The following ELP3 variants were observed in gnomAD, a reference collection of about 807,000 sequenced individuals.
ELP3 encodes elongator acetyltransferase complex subunit 3.
Under a neutral mutation model 74.9 loss-of-function variants are expected in ELP3, and 56 were observed. The ratio of observed to expected loss-of-function variants is 0.75; its 90% confidence interval spans 0.60 to 0.93. The LOEUF is 0.93. ELP3 is among the 40% of genes least tolerant of loss of function. The probability of loss-of-function intolerance (pLI) is 0.00; values close to 1 mark genes in which losing one functional copy is unlikely to be tolerated. For synonymous variants in ELP3, 222 were observed against 239.8 expected (o/e 0.93, Z 0.68); for missense variants, 573 against 686.5 (o/e 0.83, Z 1.85).
chr8:28,183,400 CAA>C, intron 14 of ELP3: 1 of 362,348 alleles, frequency 2.8e-6, no homozygotes, highest in Non-Finnish European at 5.4e-6. Context: ...GAGGATAAAA[CAA>C]AGCCAGTGTT....
At chr8:28,148,842 T>C (rs534939200) in intron 10 of ELP3, among the ~76,000 whole-genome samples, 1 of 152,318 alleles carries the variant, frequency 6.6e-6, no homozygotes, top group East Asian at 1.9e-4. Context: ...GAGATGTTGG[T>C]CTGTAGTTGC....
intron 7 of ELP3, among the ~76,000 whole-genome samples, chr8:28,122,901 A>G (rs1210398724): frequency 6.6e-6 from 1 of 152,188 alleles, no homozygotes; most frequent in African/African-American, 2.4e-5. Context: ...AGGTGGGCGG[A>G]TCACCTGAGG....
chr8:28,160,313 A>T lies in ELP3; in HGVS notation c.1342A>T (p.Ile448Phe). ...SYEDPDQDIL[I>F]GLLRLRKCSE... Reference sequence around the variant, plus strand: ...CGAAGACCCAGATCAAGACATTTTGATTGGCCTCCTACGATTACGCAAGTG... The same window carrying T: ...CGAAGACCCAGATCAAGACATTTTGTTTGGCCTCCTACGATTACGCAAGTG... The change falls in exon 13 of 15, where the codon ATT (isoleucine) becomes TTT (phenylalanine). Residue 448 changes from isoleucine (I) to phenylalanine (F), a missense_variant. Transcript: ENST00000256398. The T allele has an allele frequency of 6.2e-7, 1 of 1,614,156 alleles. No homozygotes were observed. The highest frequency in any genetic ancestry group is 8.5e-7 in the Non-Finnish European group (1 of 1,180,014).
At chr8:28,171,510 ATTGT>A (rs1204241787) in intron 14 of ELP3, among the ~76,000 whole-genome samples, 2 of 151,622 alleles carry the variant, frequency 1.3e-5, no homozygotes, top group African/African-American at 2.4e-5. Context: ...TCTTAACTGG[ATTGT>A]TTGTCTTTTT....
chr8:28,140,134 G>C (rs1044768260), intron 10 of ELP3, among the ~76,000 whole-genome samples: 1 of 151,494 alleles, frequency 6.6e-6, no homozygotes, highest in African/African-American at 2.4e-5. Flanking sequence ...GTGTGTGTGT[G>C]TGTGTGTGTG....
At chr8:28,171,205 A>T (rs1159967694) in intron 14 of ELP3, among the ~76,000 whole-genome samples, 1 of 152,174 alleles carries the variant, frequency 6.6e-6, no homozygotes, top group Non-Finnish European at 1.5e-5. Context: ...CCAGAAGTGT[A>T]ATTGCTGAGT....
chr8:28,164,124 C>T (rs1201530080), intron 14 of ELP3, among the ~76,000 whole-genome samples: 2 of 152,182 alleles, frequency 1.3e-5, no homozygotes, highest in Non-Finnish European at 2.9e-5. Flanking sequence ...CACTGCTCTA[C>T]ATCATTTCGT....
At chr8:28,116,438 T>C (rs1271258419) in intron 7 of ELP3, among the ~76,000 whole-genome samples, 1 of 152,164 alleles carries the variant, frequency 6.6e-6, no homozygotes, top group Non-Finnish European at 1.5e-5. Flanking sequence ...TTGTTACTGC[T>C]CGTTCAAAAC....
chr8:28,107,239 C>T (rs1246200356), intron 4 of ELP3, among the ~76,000 whole-genome samples: 1 of 152,196 alleles, frequency 6.6e-6, no homozygotes, highest in Non-Finnish European at 1.5e-5. Flanking sequence ...CAGAGTGAGA[C>T]TCCATATCAA....
chr8:28,125,777 T>C (rs1286833920), intron 7 of ELP3, among the ~76,000 whole-genome samples: 1 of 149,544 alleles, frequency 6.7e-6, no homozygotes, highest in African/African-American at 2.5e-5. Flanking sequence ...TTTTTTTTTT[T>C]TTTTTCTGTA....
intron 14 of ELP3, among the ~76,000 whole-genome samples, chr8:28,184,475 G>A (rs1379818520): frequency 6.6e-6 from 1 of 152,148 alleles, no homozygotes; most frequent in Non-Finnish European, 1.5e-5. Context: ...AAGGCCCAAG[G>A]AGCCTGTAGC....
intron 14 of ELP3, among the ~76,000 whole-genome samples, chr8:28,181,705 A>G (rs934088818): frequency 8.5e-5 from 13 of 152,234 alleles, no homozygotes; most frequent in African/African-American, 3.1e-4. Flanking sequence ...ACCCCATCAC[A>G]TAGGTGCCAG....
intron 14 of ELP3, among the ~76,000 whole-genome samples, chr8:28,169,324 C>A (rs1004056228): frequency 6.6e-6 from 1 of 152,026 alleles, no homozygotes; most frequent in African/African-American, 2.4e-5. Flanking sequence ...AAACAACAAC[C>A]CTCTTATTTC....
intron 14 of ELP3, among the ~76,000 whole-genome samples, chr8:28,182,284 G>C (rs954261696): frequency 6.6e-6 from 1 of 152,154 alleles, no homozygotes; most frequent in African/African-American, 2.4e-5. Flanking sequence ...TTTGCGGCCG[G>C]GCACAGTGGC....
intron 7 of ELP3, among the ~76,000 whole-genome samples, chr8:28,117,144 C>G (rs1451819055): frequency 6.6e-6 from 1 of 151,966 alleles, no homozygotes; most frequent in South Asian, 2.1e-4. Context: ...TTAGACTTGC[C>G]TCTCTCCCCC....
At chr8:28,103,349 C>G (rs1234045295) in intron 3 of ELP3, among the ~76,000 whole-genome samples, 1 of 152,154 alleles carries the variant, frequency 6.6e-6, no homozygotes, top group African/African-American at 2.4e-5. Context: ...TAGCAATATG[C>G]ATTGAAGTCT....
intron 14 of ELP3, among the ~76,000 whole-genome samples, chr8:28,171,371 C>T (rs973102038): frequency 1.1e-4 from 16 of 151,550 alleles, no homozygotes; most frequent in African/African-American, 3.6e-4. Context: ...TTTTTATAGC[C>T]ATCCTAGTGG....
chr8:28,137,999 A>G (rs1813062020), intron 10 of ELP3, 108 bp downstream of exon 10: 1 of 1,038,782 alleles, frequency 9.6e-7, no homozygotes, highest in African/African-American at 1.7e-5. Context: ...TTCTTAATGG[A>G]AATAAGATAA....
At chr8:28,109,446 C>A (rs971079601) in intron 5 of ELP3, among the ~76,000 whole-genome samples, 3 of 152,142 alleles carry the variant, frequency 2.0e-5, no homozygotes, top group Admixed American at 2.0e-4. Context: ...TCACTCTTCC[C>A]CCTACCAGTT....
Sources: allele counts gnomAD v4.1 joint callset (sites outside exome capture counted in the v4.1 genomes callset), GRCh38; gene constraint gnomAD v4.1.1; transcripts MANE v1.5; gene names NCBI Gene and HGNC (gene_info 2026-07-23, HGNC 2026-07-21).